Variants in RBFOX1 observed in about 807,000 individuals in gnomAD.
The protein encoded by RBFOX1 is RNA binding fox-1 homolog 1.
In RBFOX1, 8 loss-of-function variants were observed where a neutral mutation model predicts 57.7. The observed-to-expected ratio is 0.14, with a 90% confidence interval of 0.08 to 0.25. The LOEUF (loss-of-function observed/expected upper bound fraction) is 0.25. Ranked by LOEUF, RBFOX1 falls within the 10% of genes least tolerant of loss-of-function variation. The pLI is 1.00. For synonymous variants in RBFOX1, 326 were observed against 222.4 expected, an observed-to-expected ratio of 1.47 and a Z score of -4.15; for missense variants, 611 against 548.5, an observed-to-expected ratio of 1.11 and a Z score of -1.14.
chr16:5,324,448 G>A (rs2064504657), intron 1 of RBFOX1, among the ~76,000 whole-genome samples: 1 of 152,176 alleles, frequency 6.6e-6, no homozygotes, highest in Admixed American at 6.5e-5. Flanking sequence ...GGGTGACAGA[G>A]TGAAACTCTG....
At chr16:6,416,677 C>G (rs1257562119) in intron 2 of RBFOX1, among the ~76,000 whole-genome samples, 1 of 152,090 alleles carries the variant, frequency 6.6e-6, no homozygotes, top group Non-Finnish European at 1.5e-5. Flanking sequence ...GGAGAATATG[C>G]CATTTCCACG....
intron 4 of RBFOX1, among the ~76,000 whole-genome samples, chr16:7,515,490 C>A (rs578213347): frequency 7.9e-5 from 12 of 152,040 alleles, no homozygotes; most frequent in Non-Finnish European, 1.6e-4. Flanking sequence ...CACACACACA[C>A]ACACACACAC....
chr16:5,923,034 G>A (rs965049382), intron 4 of RBFOX1, among the ~76,000 whole-genome samples: 6 of 152,118 alleles, frequency 3.9e-5, no homozygotes, highest in African/African-American at 1.4e-4. Context: ...CTTCCCAGGG[G>A]ACTCTCCACA....
At chr16:5,735,132 A>G (rs1179705807) in intron 3 of RBFOX1, among the ~76,000 whole-genome samples, 1 of 152,138 alleles carries the variant, frequency 6.6e-6, no homozygotes, top group African/African-American at 2.4e-5. Context: ...CTGTGCCTGA[A>G]CTGTCTGTGG....
intron 5 of RBFOX1, among the ~76,000 whole-genome samples, chr16:7,557,114 C>T (rs963976829): frequency 6.6e-6 from 1 of 151,962 alleles, no homozygotes; most frequent in African/African-American, 2.4e-5. Flanking sequence ...GTATTATAAA[C>T]CCATTTTACA....
intron 3 of RBFOX1, among the ~76,000 whole-genome samples, chr16:6,868,200 A>G (rs1201459952): frequency 6.6e-6 from 1 of 152,186 alleles, no homozygotes; most frequent in Non-Finnish European, 1.5e-5. Context: ...TACATGTTAC[A>G]GCCTCCAAGT....
At chr16:6,602,841 C>T (rs758472737) in intron 2 of RBFOX1, among the ~76,000 whole-genome samples, 5 of 152,158 alleles carry the variant, frequency 3.3e-5, no homozygotes, top group Non-Finnish European at 7.3e-5. Context: ...TCATGCCCCA[C>T]ACACCCCCAC....
chr16:7,442,346 A>C (rs1407395810), intron 4 of RBFOX1, among the ~76,000 whole-genome samples: 2 of 152,144 alleles, frequency 1.3e-5, no homozygotes, highest in Non-Finnish European at 2.9e-5. Context: ...CCTTAGGCAC[A>C]CAAAGGAGAA....
chr16:5,524,592 G>A (rs2044163562), intron 2 of RBFOX1, among the ~76,000 whole-genome samples: 1 of 150,944 alleles, frequency 6.6e-6, no homozygotes, highest in African/African-American at 2.4e-5. Flanking sequence ...CCAGGCTGGA[G>A]TGCAGTGGTG....
At chr16:6,990,651 C>T (rs1338768200) in intron 3 of RBFOX1, among the ~76,000 whole-genome samples, 1 of 152,116 alleles carries the variant, frequency 6.6e-6, no homozygotes, top group East Asian at 1.9e-4. Flanking sequence ...TGCTTTTTGT[C>T]ATTACTTTCA....
rs747707570 is a variant in RBFOX1, at chr16:6,097,315, C to A, written c.-127+77323C>A. Among the ~76,000 whole-genome samples, 1 of 152,120 alleles carries A rather than the reference C, an allele frequency of 6.6e-6. No individual in the cohort carries two copies. The highest frequency in any genetic ancestry group is 1.5e-5 in the Non-Finnish European group (1 of 68,036). On this transcript the variant is annotated intron_variant, in intron 1 of 15. Coordinates refer to ENST00000550418, the MANE Select transcript of RBFOX1 (RefSeq NM_018723.4). This position sits in a 1 kb window ranked among gnomAD's most constrained non-coding sequence, Gnocchi z 5.0. ...GCATAAAAACAGACTAACATAACCCCCCTTTCTTCCTACCCCTGTGATTTG... is the reference window on the plus strand; with the variant it reads ...GCATAAAAACAGACTAACATAACCCACCTTTCTTCCTACCCCTGTGATTTG...
chr16:6,849,524 C>G (rs1431024673), intron 3 of RBFOX1, among the ~76,000 whole-genome samples: 1 of 152,098 alleles, frequency 6.6e-6, no homozygotes, highest in East Asian at 1.9e-4. Flanking sequence ...CAAAAATTAG[C>G]TGGGTATGGT....
At chr16:7,608,144 T>C (rs2141297581) in intron 10 of RBFOX1, among the ~76,000 whole-genome samples, 1 of 152,372 alleles carries the variant, frequency 6.6e-6, no homozygotes, top group East Asian at 1.9e-4. Context: ...GATGTGGCTC[T>C]TGCTTTTTAA....
chr16:6,206,068 A>C (rs573147111), intron 1 of RBFOX1, among the ~76,000 whole-genome samples: 1 of 152,134 alleles, frequency 6.6e-6, no homozygotes, highest in Admixed American at 6.6e-5. Flanking sequence ...TGAGGCTGAA[A>C]AGTATTCAGA....
At chr16:7,669,444 A>G (rs930454401) in intron 13 of RBFOX1, among the ~76,000 whole-genome samples, 1 of 152,242 alleles carries the variant, frequency 6.6e-6, no homozygotes, top group Non-Finnish European at 1.5e-5. Flanking sequence ...GAGGTGTGAC[A>G]ATGGTAAGAG....
At chr16:6,227,891 A>T (rs1054586027) in intron 1 of RBFOX1, among the ~76,000 whole-genome samples, 2 of 152,216 alleles carry the variant, frequency 1.3e-5, no homozygotes, top group African/African-American at 4.8e-5. Context: ...GTTCCTCAAA[A>T]AATTAAAAAT....
At chr16:6,193,392 C>CAT (rs1555545384) in intron 1 of RBFOX1, among the ~76,000 whole-genome samples, 16,634 of 42,390 alleles carry the variant, frequency 0.39, 3,514 homozygotes, top group South Asian at 0.47. Flanking sequence ...TATATATATA[C>CAT]TATATATATA....
chr16:6,176,726 T>C (rs1268817279), intron 1 of RBFOX1, among the ~76,000 whole-genome samples: 2 of 152,064 alleles, frequency 1.3e-5, no homozygotes, highest in African/African-American at 2.4e-5. Context: ...GACCAAGATA[T>C]TGTATTGGTT....
At chr16:6,976,765 T>C (rs1005855567) in intron 3 of RBFOX1, among the ~76,000 whole-genome samples, 4 of 133,224 alleles carry the variant, frequency 3.0e-5, no homozygotes, top group African/African-American at 5.4e-5. Context: ...TACATATATA[T>C]CGTATGACAT....
Sources: allele counts gnomAD v4.1 joint callset (sites outside exome capture counted in the v4.1 genomes callset), GRCh38; gene constraint gnomAD v4.1.1; non-coding constraint Gnocchi (gnomAD v3.1); transcripts MANE v1.5; gene names NCBI Gene and HGNC (gene_info 2026-07-23, HGNC 2026-07-21).